Variants in LRPPRC observed in about 807,000 individuals in gnomAD.
LRPPRC encodes the protein leucine rich pentatricopeptide repeat containing, also known as leucine-rich PPR motif-containing protein, mitochondrial.
A neutral mutation model predicts 180.3 loss-of-function variants in LRPPRC; 120 were observed. The ratio of observed to expected loss-of-function variants is 0.67; its 90% CI spans 0.57 to 0.77. LRPPRC has a LOEUF of 0.77. Ranked by LOEUF, LRPPRC falls within the 30% of genes least tolerant of loss-of-function variation. The probability of loss-of-function intolerance (pLI) is 0.00; values close to 1 mark genes in which losing one functional copy is unlikely to be tolerated. For missense variants in LRPPRC, 2,012 were observed against 1,657.2 expected (o/e 1.21, Z -3.72); for synonymous variants, 723 against 600.0 (o/e 1.21, Z -3.00).
At chr2:43,898,947 G>T (rs930959413) in intron 34 of LRPPRC, among the ~76,000 whole-genome samples, 1 of 151,964 alleles carries the variant, frequency 6.6e-6, no homozygotes, top group African/African-American at 2.4e-5. Context: ...AGCGAAACTC[G>T]CTGCCCCATA....
At chr2:43,921,068 G>A (rs373047026) in intron 27 of LRPPRC, among the ~76,000 whole-genome samples, 2 of 152,306 alleles carry the variant, frequency 1.3e-5, no homozygotes, top group East Asian at 1.9e-4. Context: ...GAGGTAGGCA[G>A]ATTAGTTGAG....
intron 31 of LRPPRC, among the ~76,000 whole-genome samples, chr2:43,904,956 G>T (rs1183360322): frequency 6.6e-6 from 1 of 152,044 alleles, no homozygotes; most frequent in Non-Finnish European, 1.5e-5. Flanking sequence ...TCGTCATAGT[G>T]CCCCTTGGGA....
intron 2 of LRPPRC, among the ~76,000 whole-genome samples, chr2:43,980,518 A>G (rs1490902757): frequency 6.8e-6 from 1 of 148,148 alleles, no homozygotes; most frequent in Non-Finnish European, 1.5e-5. Flanking sequence ...GCACCACTGC[A>G]CTCCAGCCTA....
chr2:43,959,412 T>TATA (rs1454071783), intron 13 of LRPPRC, among the ~76,000 whole-genome samples: 1 of 152,196 alleles, frequency 6.6e-6, no homozygotes, highest in African/African-American at 2.4e-5. Context: ...ACCTGGTTGG[T>TATA]ATAAAGGTTC....
At position 43,974,235 on chromosome 2, in the gene LRPPRC, A is replaced by T; in HGVS notation, c.1070T>A (p.Ile357Asn). The change falls in exon 9 of 38, where the codon ATT becomes AAT. Residue 357 changes from isoleucine to asparagine, a missense_variant. Coordinates refer to ENST00000260665, the MANE Select transcript of LRPPRC (RefSeq NM_133259.4). ...TEKLEDVALQ[I>N]LLACPVSKED... is the part of the protein sequence containing the mutation. ...CTTTGATACGGGGCATGCTAGTAAA[A>T]TTTGCAACGCTACATCTTCCAATTT... is the stretch of plus-strand genomic sequence containing the variant. 1 of 1,611,868 alleles carries T rather than the reference A, an allele frequency of 6.2e-7. No individual in the cohort carries two copies. Among genetic ancestry groups the T allele is most frequent in the Non-Finnish European group, 8.5e-7 (1 of 1,177,954 alleles).
chr2:43,980,045 T>G, intron 2 of LRPPRC, 97 bp from the exon 3 acceptor site: 4 of 1,212,304 alleles, frequency 3.3e-6, no homozygotes, highest in Non-Finnish European at 4.8e-6. Context: ...CATTCAAAAA[T>G]CTTCTGGCTC....
chr2:43,992,056 A>G (rs1332208292), intron 1 of LRPPRC, among the ~76,000 whole-genome samples: 2 of 152,246 alleles, frequency 1.3e-5, no homozygotes, highest in African/African-American at 4.8e-5. Context: ...AGCAACTTAC[A>G]GCCAGCTCCA....
intron 1 of LRPPRC, among the ~76,000 whole-genome samples, chr2:43,987,331 TAAG>T (rs1369227558): frequency 2.0e-5 from 3 of 151,716 alleles, no homozygotes; most frequent in South Asian, 2.1e-4. Flanking sequence ...CCGTCTCTAA[TAAG>T]AATACAAAAA....
chr2:43,903,975 T>G (rs1670976881), intron 31 of LRPPRC: 1 of 152,208 alleles, frequency 6.6e-6, no homozygotes, highest in African/African-American at 2.4e-5. Flanking sequence ...GAGAAGGGTT[T>G]TGTTCTTGCC....
In LRPPRC at chr2:43,974,625, C is replaced by A; in HGVS notation, c.998G>T (p.Arg333Ile). The stretch of plus-strand genomic sequence containing the variant: ...TTTTTTAAAACTACCTGGAATATAT[C>A]TTCTTTCACATGTAACTTTTTCCAA... Reference protein sequence around the residue: ...EILEKVTCERRYIPDAMNLIL... With the variant: ...EILEKVTCERIYIPDAMNLIL... Residue 333 changes from arginine to isoleucine, a missense_variant, in exon 8 of 38, where the codon AGA becomes ATA. Physicochemically the swap from Arg to Ile is moderately conservative, Grantham distance 97. Transcript: ENST00000260665. The A allele has an allele frequency of 6.3e-7, 1 of 1,580,534 alleles. No homozygotes were observed. Among genetic ancestry groups the A allele is most frequent in the Non-Finnish European group, 8.7e-7 (1 of 1,150,350 alleles).
intron 35 of LRPPRC, chr2:43,896,108 G>A (rs764126462): frequency 1.3e-5 from 2 of 153,114 alleles, no homozygotes; most frequent in Non-Finnish European, 2.9e-5. Flanking sequence ...CACGTGCTAG[G>A]AGACACTCTG....
intron 1 of LRPPRC, among the ~76,000 whole-genome samples, chr2:43,985,094 A>AC (rs1674471053): frequency 1.3e-5 from 2 of 151,678 alleles, no homozygotes; most frequent in Admixed American, 1.3e-4. Context: ...AGATTATCCT[A>AC]CTAAGCAGGC....
chr2:43,970,678 C>G (rs998786788), intron 11 of LRPPRC, among the ~76,000 whole-genome samples: 2 of 152,196 alleles, frequency 1.3e-5, no homozygotes, highest in Admixed American at 1.3e-4. Flanking sequence ...TATAACAGCT[C>G]ACCAACTATC....
chr2:43,970,127 T>C (rs1015075381), intron 11 of LRPPRC, among the ~76,000 whole-genome samples: 1 of 152,246 alleles, frequency 6.6e-6, no homozygotes, highest in Non-Finnish European at 1.5e-5. Flanking sequence ...ACAAGATTCT[T>C]ATTCTTACAG....
chr2:43,941,774 C>T (rs1231279015), intron 23 of LRPPRC, among the ~76,000 whole-genome samples: 1 of 148,340 alleles, frequency 6.7e-6, no homozygotes, highest in Non-Finnish European at 1.5e-5. Context: ...GTCAATAGCC[C>T]TTTTTATTAT....
At chr2:43,890,934 A>AAGCATCACATAAACCCCTGCCTAC (rs531526239) in intron 36 of LRPPRC, among the ~76,000 whole-genome samples, 47 of 152,236 alleles carry the variant, frequency 3.1e-4, no homozygotes, top group African/African-American at 1.0e-3. Flanking sequence ...GTTAGCATCT[A>AAGCATCACATAAACCCCTGCCTAC]AGCATCACAT....
At chr2:43,893,238 A>G (rs925410482) in intron 36 of LRPPRC, among the ~76,000 whole-genome samples, 19 of 152,366 alleles carry the variant, frequency 1.2e-4, no homozygotes, top group South Asian at 4.1e-4. Context: ...AGATGACAAC[A>G]AAGGATTCAG....
At chr2:43,903,930 C>T (rs556957432) in intron 31 of LRPPRC, 12 of 152,240 alleles carry the variant, frequency 7.9e-5, no homozygotes, top group Admixed American at 7.9e-4. Context: ...ACATAAAATA[C>T]TAATAGGACA....
intron 1 of LRPPRC, among the ~76,000 whole-genome samples, chr2:43,984,919 C>T (rs1674461393): frequency 6.6e-6 from 1 of 152,136 alleles, no homozygotes; most frequent in Non-Finnish European, 1.5e-5. Context: ...GCTCCTACCA[C>T]TAATACTCAA....
Sources: allele counts gnomAD v4.1 joint callset (sites outside exome capture counted in the v4.1 genomes callset), GRCh38; gene constraint gnomAD v4.1.1; transcripts MANE v1.5; gene names NCBI Gene and HGNC (gene_info 2026-07-23, HGNC 2026-07-21).